Variants in CLVS1 observed in about 807,000 individuals in gnomAD.
CLVS1 encodes the protein clavesin 1.
A neutral mutation model predicts 33.1 loss-of-function variants in CLVS1; 10 were observed. The ratio of observed to expected loss-of-function variants is 0.30; its 90% CI spans 0.19 to 0.51. CLVS1 has a LOEUF of 0.51. Among genes scored for constraint, CLVS1 ranks in the 20% least tolerant of loss-of-function variants. The pLI is 0.97. For missense variants in CLVS1, 343 were observed against 433.4 expected (o/e 0.79, Z 1.85); for synonymous variants, 163 against 166.1 (o/e 0.98, Z 0.14).
intron 4 of CLVS1, among the ~76,000 whole-genome samples, chr8:61,455,368 C>T (rs141230667): frequency 1.3e-5 from 2 of 152,230 alleles, no homozygotes; most frequent in South Asian, 2.1e-4. Flanking sequence ...CCATTTCCCC[C>T]TACTCTCAGC....
intron 1 of CLVS1, among the ~76,000 whole-genome samples, chr8:61,115,644 G>A (rs941398377): frequency 6.6e-6 from 1 of 151,754 alleles, no homozygotes; most frequent in South Asian, 2.1e-4. Flanking sequence ...TTGTTCTTGC[G>A]ATAGTGTACT....
chr8:61,005,906 G>A, the CLVS1 span, among the ~76,000 whole-genome samples: 1 of 152,046 alleles, frequency 6.6e-6, no homozygotes, highest in Non-Finnish European at 1.5e-5. Flanking sequence ...CGGGGGAGTC[G>A]GACCAATTCA....
the CLVS1 span, among the ~76,000 whole-genome samples, chr8:60,975,132 G>A: frequency 1.3e-5 from 2 of 152,164 alleles, no homozygotes; most frequent in Non-Finnish European, 2.9e-5. Context: ...GAAATAGCAG[G>A]AGTAAGAGGG....
At chr8:61,463,528 G>C (rs1217820553) in intron 5 of CLVS1, among the ~76,000 whole-genome samples, 1 of 152,090 alleles carries the variant, frequency 6.6e-6, no homozygotes, top group Non-Finnish European at 1.5e-5. Context: ...TAAACACTTA[G>C]AAGCCATTGT....
chr8:61,001,735 G>C, the CLVS1 span, among the ~76,000 whole-genome samples: 1 of 152,112 alleles, frequency 6.6e-6, no homozygotes, highest in Non-Finnish European at 1.5e-5. Context: ...TCATTCCTTG[G>C]CATGTATCCC....
At chr8:61,233,907 G>C (rs1002076544) in intron 2 of CLVS1, among the ~76,000 whole-genome samples, 1 of 152,242 alleles carries the variant, frequency 6.6e-6, no homozygotes, top group African/African-American at 2.4e-5. Context: ...TCTTGTCTCC[G>C]CACATCCAGT....
At chr8:61,022,828 C>T in the CLVS1 span, among the ~76,000 whole-genome samples, 2 of 152,210 alleles carry the variant, frequency 1.3e-5, no homozygotes, top group Non-Finnish European at 2.9e-5. Context: ...TGTATACGCA[C>T]GCCTCGATAT....
intron 1 of CLVS1, among the ~76,000 whole-genome samples, chr8:61,120,981 G>T (rs76005394): frequency 4.0e-5 from 6 of 149,020 alleles, no homozygotes; most frequent in South Asian, 2.2e-4. Context: ...CCTCGCTGCC[G>T]CCTTGTAGTT....
chr8:61,376,887 G>A, intron 3 of CLVS1, 108 bp downstream of exon 3: 1 of 1,030,370 alleles, frequency 9.7e-7, no homozygotes. Context: ...AAGGAAACTT[G>A]GATTAAATTC....
intron 1 of CLVS1, among the ~76,000 whole-genome samples, chr8:61,079,288 T>C (rs578042712): frequency 6.6e-6 from 1 of 152,346 alleles, no homozygotes; most frequent in Admixed American, 6.5e-5. Flanking sequence ...TGAAGGGATA[T>C]GTCACATATG....
the CLVS1 span, among the ~76,000 whole-genome samples, chr8:61,034,533 C>T: frequency 1.3e-5 from 2 of 152,092 alleles, no homozygotes; most frequent in African/African-American, 2.4e-5. Context: ...CTCCCCATCC[C>T]TCCCCGAGCC....
intron 2 of CLVS1, among the ~76,000 whole-genome samples, chr8:61,189,626 T>C (rs957753085): frequency 3.3e-5 from 5 of 152,026 alleles, no homozygotes; most frequent in East Asian, 1.9e-4. Context: ...TTCAGGAGAC[T>C]CATCTCATGT....
At position 61,496,188 on chromosome 8, in the gene CLVS1, C is replaced by T. The variant is rs147237609; in HGVS notation, c.978-3267C>T. 1.3e-3 allele frequency among the ~76,000 whole-genome samples: 205 copies of T among 152,300 alleles called. 2 individuals carry two copies. The highest frequency in any genetic ancestry group is 4.9e-3 in the African/African-American group (202 of 41,562). On this transcript the variant is annotated intron_variant, in intron 5 of 5. Coordinates refer to ENST00000325897, the MANE Select transcript of CLVS1 (RefSeq NM_173519.3). ...TAGATGAGTCACTGTTTCCCTCTAA[C>T]TCTGTGGCTGTGGTTCTCATGCCAT...
chr8:61,486,024 C>A (rs569361508), intron 5 of CLVS1, among the ~76,000 whole-genome samples: 56 of 152,098 alleles, frequency 3.7e-4, no homozygotes, highest in African/African-American at 1.0e-3. Flanking sequence ...TGCTGCATAC[C>A]AACATGGCAC....
intron 2 of CLVS1, among the ~76,000 whole-genome samples, chr8:61,263,444 C>T (rs1046206625): frequency 9.9e-5 from 15 of 152,162 alleles, no homozygotes; most frequent in Non-Finnish European, 1.5e-4. Context: ...TGAAGCCCCA[C>T]TGGGTAGCTC....
At chr8:60,966,654 G>C in the CLVS1 span, 1 of 230,186 alleles carries the variant, frequency 4.3e-6, no homozygotes, top group African/African-American at 2.3e-5. Flanking sequence ...AGAAAATGTG[G>C]TGGGAGCTTA....
At chr8:61,177,426 G>C (rs1807135258) in intron 2 of CLVS1, among the ~76,000 whole-genome samples, 1 of 152,196 alleles carries the variant, frequency 6.6e-6, no homozygotes, top group South Asian at 2.1e-4. Context: ...GAATCCATCA[G>C]CCCAGACGAG....
intron 3 of CLVS1, among the ~76,000 whole-genome samples, chr8:61,445,706 A>G (rs977947749): frequency 3.3e-5 from 5 of 152,176 alleles, no homozygotes; most frequent in Non-Finnish European, 7.4e-5. Flanking sequence ...TGTTACCTTC[A>G]CTTCTATTTT....
chr8:61,136,054 A>G (rs147242730), intron 2 of CLVS1, among the ~76,000 whole-genome samples: 1 of 152,368 alleles, frequency 6.6e-6, no homozygotes, highest in African/African-American at 2.4e-5. Flanking sequence ...AGATTTCTCC[A>G]GACTTCCTGG....
Sources: gnomAD v4.1 joint callset for allele counts (sites outside exome capture counted in the v4.1 genomes callset) on GRCh38, gnomAD v4.1.1 for gene constraint, MANE v1.5 for transcripts, NCBI Gene and HGNC (gene_info 2026-07-23, HGNC 2026-07-21) for gene names.